The following ITPK1 variants were observed in gnomAD, a reference collection of about 807,000 sequenced individuals.
ITPK1 encodes inositol 1,3,4-trisphosphate 5/6-kinase.
A neutral mutation model predicts 45.3 loss-of-function variants in ITPK1; 21 were observed. The ratio of observed to expected loss-of-function variants is 0.46; its 90% CI spans 0.33 to 0.67. The LOEUF (loss-of-function observed/expected upper bound fraction) is 0.67, where lower values mean the gene tolerates loss of function less well. ITPK1 is among the 30% of genes least tolerant of loss of function. The probability of loss-of-function intolerance (pLI) is 0.02; values close to 1 mark genes in which losing one functional copy is unlikely to be tolerated. For missense variants in ITPK1, 474 were observed against 573.5 expected (o/e 0.83, Z 1.77); for synonymous variants, 258 against 253.6 (o/e 1.02, Z -0.16).
chr14:92,941,513 G>A lies in ITPK1; in HGVS notation c.*48C>T, dbSNP rs769454574. On this transcript the variant is annotated 3_prime_UTR_variant, in exon 11 of 11. Coordinates refer to ENST00000267615, the MANE Select transcript of ITPK1 (RefSeq NM_014216.6). ...CGCCGTTGGGAGCTGCTGGCCCAGC[G>A]GGTGTGCTCTGCGCCCTGCGCTGCC... is the stretch of plus-strand genomic sequence containing the variant. 7.5e-6 allele frequency: 11 copies of A among 1,466,154 alleles called. No homozygotes were observed. Among genetic ancestry groups the A allele is most frequent in the Middle Eastern group, 2.4e-4 (1 of 4,088 alleles). The allele number at this position is 1,466,154 out of a possible 1,614,324, so 90.8% of individuals were successfully genotyped here.
chr14:93,041,299 A>G (rs538604108), intron 3 of ITPK1, among the ~76,000 whole-genome samples: 2 of 152,296 alleles, frequency 1.3e-5, no homozygotes, highest in Admixed American at 1.3e-4. Flanking sequence ...CCCTCCTCCA[A>G]GAAGTCTTCT....
intron 5 of ITPK1, among the ~76,000 whole-genome samples, chr14:92,975,992 C>G (rs1423310152): frequency 2.0e-5 from 3 of 152,332 alleles, no homozygotes; most frequent in Admixed American, 6.5e-5. Context: ...CTGCACTTCT[C>G]CTTGCTGCTG....
intron 9 of ITPK1, among the ~76,000 whole-genome samples, 192 bp from the exon 10 acceptor site, chr14:92,946,685 G>A (rs1215504463): frequency 1.3e-5 from 2 of 152,238 alleles, no homozygotes; most frequent in Non-Finnish European, 2.9e-5. Flanking sequence ...CAGGCACGAG[G>A]TGTGTGAGGC....
intron 9 of ITPK1, 104 bp from the exon 10 acceptor site, chr14:92,946,597 T>G: frequency 8.5e-7 from 1 of 1,170,844 alleles, no homozygotes; most frequent in Non-Finnish European, 1.2e-6. Context: ...CTGGCATGCT[T>G]CAGGCCAGGA....
chr14:92,941,594 C>T lies in ITPK1; in HGVS notation c.1212G>A (p.Val404=), dbSNP rs1301884527. 9.1e-6 allele frequency: 14 copies of T among 1,537,364 alleles called. No homozygotes were observed. Among genetic ancestry groups the T allele is most frequent in the East Asian group, 2.5e-5 (1 of 40,754 alleles). ...AGGAGGCCTTGGTGGCCAGGGAGGC[C>T]ACACAATGCTGCTGGAAGCTGGGCG... The part of the protein sequence containing the change: ...GVSPSFQQHC[V]ASLATKASSQ The change falls in exon 11 of 11, where the codon GTG becomes GTA. Residue 404 remains valine, a synonymous_variant. Transcript: ENST00000267615.
intron 4 of ITPK1, among the ~76,000 whole-genome samples, chr14:93,013,069 G>A (rs373763704): frequency 1.3e-5 from 2 of 152,310 alleles, no homozygotes; most frequent in South Asian, 4.1e-4. Flanking sequence ...CCCCGAGCCT[G>A]AGGCAGGGAC....
intron 7 of ITPK1, among the ~76,000 whole-genome samples, chr14:92,960,157 G>A (rs1370481469): frequency 3.3e-5 from 5 of 152,220 alleles, no homozygotes; most frequent in Admixed American, 1.3e-4. Context: ...CACCTTGCCG[G>A]CAGTGGACCC....
intron 2 of ITPK1, among the ~76,000 whole-genome samples, chr14:93,109,243 G>C (rs974843486): frequency 6.6e-6 from 1 of 152,168 alleles, no homozygotes; most frequent in Non-Finnish European, 1.5e-5. Context: ...ATGAAGCAGC[G>C]ATGTGGAGTT....
In ITPK1 at chr14:92,946,499, A is replaced by G. The variant is rs1247697286; in HGVS notation, c.739-6T>C. 3 of 1,611,916 alleles carry G rather than the reference A, an allele frequency of 1.9e-6. No homozygotes were observed. Among genetic ancestry groups the G allele is most frequent in the African/African-American group, 2.7e-5 (2 of 74,936 alleles). On this transcript the variant is annotated splice_region_variant and splice_polypyrimidine_tract_variant and intron_variant, in intron 9 of 10. Coordinates refer to ENST00000267615, the MANE Select transcript of ITPK1 (RefSeq NM_014216.6). The stretch of plus-strand genomic sequence containing the variant: ...ACGCCCTCGATCTTGTCCAGCTGCC[A>G]ACATACACAAGGAAGTCAGGCCATG...
intron 10 of ITPK1, among the ~76,000 whole-genome samples, chr14:92,944,294 T>C (rs1051796022): frequency 2.0e-5 from 3 of 151,980 alleles, no homozygotes; most frequent in African/African-American, 7.3e-5. Flanking sequence ...CACTGAGCTA[T>C]CTCCCGGGGA....
At position 93,088,915 on chromosome 14, in the gene ITPK1, T is replaced by G. The variant is rs149919539; in HGVS notation, c.96-12296A>C. 6.9e-3 allele frequency among the ~76,000 whole-genome samples: 1,057 copies of G among 152,246 alleles called. 11 individuals are homozygous for G. The highest frequency in any genetic ancestry group is 0.012 in the South Asian group (59 of 4,826). On this transcript the variant is annotated intron_variant, in intron 2 of 10. Coordinates refer to ENST00000267615, the MANE Select transcript of ITPK1 (RefSeq NM_014216.6). ...ATCCAAATACCAGTAATTCCCAGGC[T>G]CCCTTACTCCCCACCCAGGCCCGCT... is the stretch of plus-strand genomic sequence containing the variant.
At chr14:93,006,431 C>T (rs764347444) in intron 4 of ITPK1, among the ~76,000 whole-genome samples, 10 of 152,214 alleles carry the variant, frequency 6.6e-5, no homozygotes, top group Non-Finnish European at 1.2e-4. Flanking sequence ...TTAAAAGGGG[C>T]TGTGTGGGGC....
At chr14:92,970,126 C>CA (rs1885574187) in intron 5 of ITPK1, among the ~76,000 whole-genome samples, 1 of 152,162 alleles carries the variant, frequency 6.6e-6, no homozygotes, top group South Asian at 2.1e-4. Flanking sequence ...TACAAGAAAA[C>CA]AAAAGTTCAG....
At chr14:92,962,205 C>CAGGGA (rs761197979) in intron 7 of ITPK1, 150 bp downstream of exon 7, 2 of 705,942 alleles carry the variant, frequency 2.8e-6, no homozygotes, top group Non-Finnish European at 5.2e-6. Context: ...CTCTGGAGTC[C>CAGGGA]AGGGAAGGGA....
At chr14:93,060,913 G>C (rs1427077638) in intron 3 of ITPK1, among the ~76,000 whole-genome samples, 1 of 152,154 alleles carries the variant, frequency 6.6e-6, no homozygotes, top group Non-Finnish European at 1.5e-5. Flanking sequence ...GAAGATAAAA[G>C]TAAAAAAGTC....
At chr14:92,994,660 C>T (rs1186095388) in intron 4 of ITPK1, among the ~76,000 whole-genome samples, 2 of 152,168 alleles carry the variant, frequency 1.3e-5, no homozygotes, top group Non-Finnish European at 2.9e-5. Flanking sequence ...CCCAGGTGGG[C>T]CAGACCAACC....
chr14:92,957,311 A>G (rs1884790286), intron 8 of ITPK1, among the ~76,000 whole-genome samples: 1 of 152,250 alleles, frequency 6.6e-6, no homozygotes, highest in East Asian at 1.9e-4. Flanking sequence ...TGTTCTCCAA[A>G]GGGTCCTCCT....
At chr14:93,066,312 G>T in intron 3 of ITPK1, 1 of 447,060 alleles carries the variant, frequency 2.2e-6, no homozygotes, top group Non-Finnish European at 4.4e-6. Flanking sequence ...GTGCATGTGT[G>T]TGTGTGTATG....
In ITPK1 at chr14:92,941,224, A is replaced by C; in HGVS notation, c.*337T>G. 2.3e-6 allele frequency: 3 copies of C among 1,302,458 alleles called. No individual in the cohort carries two copies. The highest frequency in any genetic ancestry group is 2.0e-6 in the Non-Finnish European group (2 of 1,019,132). The allele number at this position is 1,302,458 out of a possible 1,614,324, so 80.7% of individuals were successfully genotyped here. A position where few individuals can be genotyped will look rare whatever the true frequency, so the allele number is the denominator to read the frequency against. On this transcript the variant is annotated 3_prime_UTR_variant, in exon 11 of 11. Transcript: ENST00000267615. Reference sequence around the variant, plus strand: ...TGGCCATGGAGACCAACAGACAGGGATGTGCACAGACACTGGCATGGCAGC... The same window carrying C: ...TGGCCATGGAGACCAACAGACAGGGCTGTGCACAGACACTGGCATGGCAGC...
Sources: gnomAD v4.1 joint callset for allele counts (sites outside exome capture counted in the v4.1 genomes callset) on GRCh38, gnomAD v4.1.1 for gene constraint, MANE v1.5 for transcripts, NCBI Gene and HGNC (gene_info 2026-07-23, HGNC 2026-07-21) for gene names.